ADGRL3: variants seen among roughly 807,000 people sequenced by gnomAD.
ADGRL3 encodes adhesion G protein-coupled receptor L3.
Under a neutral mutation model 153.5 loss-of-function variants are expected in ADGRL3, and 62 were observed. That is an observed-to-expected ratio of 0.40 (90% CI 0.33 to 0.50). The LOEUF is 0.50. ADGRL3 is among the 20% of genes least tolerant of loss of function. The probability of loss-of-function intolerance (pLI) is 0.47; values close to 1 mark genes in which losing one functional copy is unlikely to be tolerated. For missense variants in ADGRL3, 1,641 were observed against 1,859.4 expected, an observed-to-expected ratio of 0.88 and a Z score of 2.16; for synonymous variants, 710 against 672.5, an observed-to-expected ratio of 1.06 and a Z score of -0.86.
chr4:61,512,253 A>G (rs2098467336), intron 3 of ADGRL3, among the ~76,000 whole-genome samples: 1 of 152,186 alleles, frequency 6.6e-6, no homozygotes, highest in Non-Finnish European at 1.5e-5. Context: ...AGAGTTTTGT[A>G]CATAATAGCT....
intron 3 of ADGRL3, among the ~76,000 whole-genome samples, chr4:61,509,584 T>C (rs2098451917): frequency 6.6e-6 from 1 of 152,092 alleles, no homozygotes; most frequent in Non-Finnish European, 1.5e-5. Flanking sequence ...TCATTATTTT[T>C]TATGGCTGCA....
intron 3 of ADGRL3, among the ~76,000 whole-genome samples, chr4:61,498,808 T>A (rs770704575): frequency 1.3e-5 from 2 of 152,180 alleles, no homozygotes; most frequent in Non-Finnish European, 2.9e-5. Flanking sequence ...TAGAGTAATA[T>A]TCACTGAATC....
intron 2 of ADGRL3, among the ~76,000 whole-genome samples, chr4:61,393,835 G>A (rs2096840263): frequency 6.6e-6 from 1 of 152,054 alleles, no homozygotes; most frequent in Admixed American, 6.6e-5. Context: ...CATTTATTTA[G>A]TACATATTGT....
intron 1 of ADGRL3, among the ~76,000 whole-genome samples, chr4:61,346,457 G>T (rs1376185271): frequency 6.6e-6 from 1 of 151,670 alleles, no homozygotes; most frequent in Non-Finnish European, 1.5e-5. Flanking sequence ...TGATCATTGT[G>T]GTGGTGTCAT....
At chr4:62,016,343 G>A (rs1172844170) in intron 21 of ADGRL3, among the ~76,000 whole-genome samples, 1 of 151,992 alleles carries the variant, frequency 6.6e-6, no homozygotes, top group Non-Finnish European at 1.5e-5. Flanking sequence ...CACCACGCCC[G>A]TCCTTTTATT....
chr4:61,815,913 G>C (rs1378787801), intron 9 of ADGRL3, among the ~76,000 whole-genome samples: 2 of 152,164 alleles, frequency 1.3e-5, no homozygotes, highest in African/African-American at 4.8e-5. Context: ...CTCCAGAACT[G>C]TGAGAAAATA....
At chr4:61,958,753 C>G (rs62304443) in intron 17 of ADGRL3, among the ~76,000 whole-genome samples, 1 of 152,200 alleles carries the variant, frequency 6.6e-6, no homozygotes, top group East Asian at 1.9e-4. Context: ...CTGGTCACTC[C>G]CGCCACACAG....
chr4:61,661,047 G>T (rs17090521), intron 5 of ADGRL3, among the ~76,000 whole-genome samples: 2 of 151,764 alleles, frequency 1.3e-5, no homozygotes, highest in African/African-American at 4.8e-5. Flanking sequence ...TGCCCTATAC[G>T]TTATTACCTC....
intron 2 of ADGRL3, among the ~76,000 whole-genome samples, chr4:61,432,615 T>C (rs2097375217): frequency 1.3e-5 from 1 of 77,382 alleles, no homozygotes; most frequent in Non-Finnish European, 2.8e-5. Flanking sequence ...TCTTTCTTTC[T>C]TTCTTTCTTT....
intron 8 of ADGRL3, among the ~76,000 whole-genome samples, chr4:61,770,416 C>G (rs2152301212): frequency 6.6e-6 from 1 of 152,176 alleles, no homozygotes; most frequent in South Asian, 2.1e-4. Flanking sequence ...CTAGAGAGGA[C>G]AGGGTCAAAT....
intron 8 of ADGRL3, among the ~76,000 whole-genome samples, chr4:61,783,847 A>G (rs545790224): frequency 6.6e-6 from 1 of 152,190 alleles, no homozygotes; most frequent in African/African-American, 2.4e-5. Context: ...TATTTAAATG[A>G]GATATTTAGC....
intron 1 of ADGRL3, among the ~76,000 whole-genome samples, chr4:61,232,604 C>G (rs1374225868): frequency 6.6e-6 from 1 of 151,960 alleles, no homozygotes; most frequent in Admixed American, 6.6e-5. Context: ...CCACCGTGCC[C>G]AGCCCCAACA....
chr4:61,979,770 C>A lies in ADGRL3; in HGVS notation c.3013C>A (p.Pro1005Thr), dbSNP rs374804939. Residue 1005 changes from proline (P) to threonine (T), a missense_variant and splice_region_variant, in exon 18 of 27, where the codon CCA becomes ACA. Physicochemically the swap from Pro to Thr is conservative, Grantham distance 38. This residue lies in a region of ADGRL3 where 734 missense variants were observed against 797.0 expected (regional missense o/e 0.92). Transcript: ENST00000683033. Reference protein sequence around the residue: ...FLIGINRTDQPIACAVFAALL... With the variant: ...FLIGINRTDQTIACAVFAALL... Reference sequence around the variant, plus strand: ...GATTGGGATCAACCGAACTGACCAACCAGTAAGCAACCTACATTGATACCA... The same window carrying A: ...GATTGGGATCAACCGAACTGACCAAACAGTAAGCAACCTACATTGATACCA... 1 of 1,613,370 alleles carries A rather than the reference C, an allele frequency of 6.2e-7. No homozygotes were observed. The highest frequency in any genetic ancestry group is 8.5e-7 in the Non-Finnish European group (1 of 1,179,380).
chr4:61,819,249 A>C (rs1427927815), intron 9 of ADGRL3, among the ~76,000 whole-genome samples: 2 of 152,156 alleles, frequency 1.3e-5, no homozygotes, highest in African/African-American at 4.8e-5. Context: ...TTTTTATTTG[A>C]ATGTAAAAAA....
At chr4:61,753,357 G>A (rs2096780963) in intron 8 of ADGRL3, among the ~76,000 whole-genome samples, 1 of 152,190 alleles carries the variant, frequency 6.6e-6, no homozygotes, top group Non-Finnish European at 1.5e-5. Context: ...TTAGATGATG[G>A]CATGAGAATG....
intron 13 of ADGRL3, among the ~76,000 whole-genome samples, chr4:61,923,357 C>G (rs2098779148): frequency 6.6e-6 from 1 of 151,978 alleles, no homozygotes; most frequent in South Asian, 2.1e-4. Flanking sequence ...ATCCATTCCA[C>G]CTACTGTCTG....
chr4:61,451,700 C>T (rs1242363034), intron 2 of ADGRL3, among the ~76,000 whole-genome samples: 2 of 152,164 alleles, frequency 1.3e-5, no homozygotes, highest in Non-Finnish European at 2.9e-5. Flanking sequence ...AGAAGCCCAA[C>T]TGTAATCCTC....
chr4:61,939,603 G>A (rs1455573260), intron 15 of ADGRL3, among the ~76,000 whole-genome samples: 3 of 151,974 alleles, frequency 2.0e-5, no homozygotes, highest in African/African-American at 7.2e-5. Flanking sequence ...CTGAGTAGCT[G>A]GGATTACAAG....
chr4:61,590,016 C>A (rs778051991), intron 5 of ADGRL3, among the ~76,000 whole-genome samples: 1 of 152,030 alleles, frequency 6.6e-6, no homozygotes, highest in Non-Finnish European at 1.5e-5. Context: ...TGTCCACCAC[C>A]CACCAATCGT....
Sources: gnomAD v4.1 joint callset for allele counts (sites outside exome capture counted in the v4.1 genomes callset) on GRCh38, gnomAD v4.1.1 for gene constraint, gnomAD v4.1.1 regional missense constraint, MANE v1.5 for transcripts, NCBI Gene and HGNC (gene_info 2026-07-23, HGNC 2026-07-21) for gene names.